FHL1: variants seen among roughly 807,000 people sequenced by gnomAD.
FHL1 encodes four and a half LIM domains protein 1.
Under a neutral mutation model 20.3 loss-of-function variants are expected in FHL1, and 1 was observed. The observed-to-expected ratio is 0.05, with a 90% CI of 0.02 to 0.23. FHL1 has a LOEUF of 0.23. FHL1 is among the 10% of genes least tolerant of loss of function. The probability of loss-of-function intolerance (pLI) is 1.00; values close to 1 mark genes in which losing one functional copy is unlikely to be tolerated. For missense variants in FHL1, 177 were observed against 234.0 expected (o/e 0.76, Z 1.59); for synonymous variants, 82 against 88.9 (o/e 0.92, Z 0.44).
chrX:136,199,253 TTAA>T (rs1439393577), intron 1 of FHL1, among the ~76,000 whole-genome samples: 3 of 111,716 alleles, frequency 2.7e-5, no homozygotes, highest in Non-Finnish European at 5.6e-5. Flanking sequence ...AATTTTTCTT[TTAA>T]TAATCTATAT....
intron 2 of FHL1, among the ~76,000 whole-genome samples, chrX:136,185,033 T>C (rs1433810334): frequency 8.9e-6 from 1 of 112,092 alleles, no homozygotes; most frequent in Non-Finnish European, 1.9e-5. Flanking sequence ...CACAATAAAG[T>C]CAAAAACATT....
In FHL1 at chrX:136,180,989, C is replaced by T. The variant is rs758829596; in HGVS notation, c.-27+11009C>T. ...ACTCCTGACTTGAGGTGACCCCACC[C>T]GCCTTGGTCCCCCAAAGTGCTGGGA... On this transcript the variant is annotated intron_variant, in intron 2 of 6. Coordinates refer to the FHL1 transcript ENST00000394153. Among the ~76,000 whole-genome samples the T allele has an allele frequency of 7.1e-5, 8 of 112,523 alleles. No individual in the cohort carries two copies. The South Asian group carries it at 1.5e-3, about 21-fold the overall frequency.
chrX:136,207,728 G>A (rs1050403265), intron 3 of FHL1, 64 bp from the exon 4 acceptor site: 2 of 1,169,447 alleles, frequency 1.7e-6, no homozygotes, highest in Non-Finnish European at 2.3e-6. Context: ...GGGGAGGGGA[G>A]CTGAGTGGAT....
intron 2 of FHL1, among the ~76,000 whole-genome samples, chrX:136,186,462 C>T (rs1365013771): frequency 9.0e-6 from 1 of 111,512 alleles, no homozygotes; most frequent in East Asian, 2.8e-4. Flanking sequence ...AATCAAAACT[C>T]CCATTCCTTT....
chrX:136,203,531 G>A (rs1305427765), intron 1 of FHL1, among the ~76,000 whole-genome samples: 1 of 111,952 alleles, frequency 8.9e-6, no homozygotes, highest in Non-Finnish European at 1.9e-5. Flanking sequence ...TGATACAGTG[G>A]CCAGTGACTT....
At chrX:136,170,120 C>A in intron 2 of FHL1, 1 of 270,463 alleles carries the variant, frequency 3.7e-6, no homozygotes, top group Non-Finnish European at 7.0e-6. Context: ...CAACCAATGT[C>A]ACTGCTTACC....
At position 136,206,154 on chromosome X, in the gene FHL1, G is replaced by C. The variant is rs1325223082; in HGVS notation, c.23-253G>C. The C allele has an allele frequency of 1.8e-5, 8 of 442,474 alleles. No individual in the cohort carries two copies. The East Asian group carries it at 3.0e-4, about 17-fold the overall frequency. The allele number at this position is 442,474 out of a possible 1,213,427, so 36.5% of individuals were successfully genotyped here. A position where few individuals can be genotyped will look rare whatever the true frequency, so the allele number is the denominator to read the frequency against. On this transcript the variant is annotated intron_variant, in intron 1 of 5. Transcript: ENST00000370683. ...GCACAGTTGATATATCTGAGCAGGG[G>C]CTTCTACCATCTCCCCAGGGAATCA...
chrX:136,181,325 C>G (rs906706208), intron 2 of FHL1, among the ~76,000 whole-genome samples: 1 of 111,310 alleles, frequency 9.0e-6, no homozygotes, highest in African/African-American at 3.3e-5. Flanking sequence ...AGACGAGTAT[C>G]TGCTTTAAAC....
intron 1 of FHL1, among the ~76,000 whole-genome samples, chrX:136,162,421 C>T (rs372097716): frequency 9.0e-6 from 1 of 111,438 alleles, no homozygotes; most frequent in Admixed American, 9.5e-5. Context: ...TTCTGGAAAA[C>T]GGAAGCTTGA....
chrX:136,197,389 T>C (rs1341780663), intron 1 of FHL1, among the ~76,000 whole-genome samples: 1 of 112,295 alleles, frequency 8.9e-6, no homozygotes, highest in East Asian at 2.8e-4. Context: ...TATTTTTACC[T>C]TTTTCAGGAC....
At chrX:136,153,285 G>GA (rs1556631266) in intron 1 of FHL1, among the ~76,000 whole-genome samples, 1 of 16,678 alleles carries the variant, frequency 6.0e-5, no homozygotes, top group African/African-American at 1.3e-4. Flanking sequence ...TGCGGGAGGT[G>GA]GGGGGGGGCA....
At chrX:136,163,133 A>T (rs747947398) in intron 1 of FHL1, among the ~76,000 whole-genome samples, 1 of 111,863 alleles carries the variant, frequency 8.9e-6, no homozygotes, top group South Asian at 3.7e-4. Flanking sequence ...TAGAGGCCCC[A>T]CCTCTCAATA....
chrX:136,158,611 G>A (rs1187074639), intron 1 of FHL1, among the ~76,000 whole-genome samples: 3 of 111,079 alleles, frequency 2.7e-5, no homozygotes. Context: ...GTGTCAGATA[G>A]CATCTTGGAG....
chrX:136,168,326 G>T (rs754926397), upstream of FHL1: 6 of 111,880 alleles, frequency 5.4e-5, no homozygotes, highest in African/African-American at 6.5e-5. Context: ...GGTGGGAGAT[G>T]AGATGGAGTA....
intron 2 of FHL1, among the ~76,000 whole-genome samples, chrX:136,185,760 A>G (rs2073271511): frequency 8.9e-6 from 1 of 112,353 alleles, no homozygotes; most frequent in African/African-American, 3.2e-5. Context: ...GTTAATTTAA[A>G]ACTCTGATGC....
intron 2 of FHL1, among the ~76,000 whole-genome samples, chrX:136,175,600 T>C (rs995186425): frequency 8.9e-6 from 1 of 112,851 alleles, no homozygotes. Flanking sequence ...ATTTATTCAA[T>C]AAATAGTTTT....
intron 1 of FHL1, among the ~76,000 whole-genome samples, chrX:136,155,997 C>T (rs1263872168): frequency 9.1e-6 from 1 of 110,031 alleles, no homozygotes; most frequent in Non-Finnish European, 1.9e-5. Flanking sequence ...AGTAAGTGAC[C>T]GGCTCTCCAC....
chrX:136,152,906 A>C (rs1603240629), intron 1 of FHL1, among the ~76,000 whole-genome samples: 1 of 110,147 alleles, frequency 9.1e-6, no homozygotes, highest in Middle Eastern at 4.6e-3. Flanking sequence ...GTCAAACTTC[A>C]TTTTCTATCT....
upstream of FHL1, among the ~76,000 whole-genome samples, chrX:136,196,094 A>G (rs1309266616): frequency 8.9e-6 from 1 of 111,824 alleles, no homozygotes; most frequent in African/African-American, 3.3e-5. Flanking sequence ...ATCAGACAGC[A>G]AGGAGAGAAA....
Sources: allele counts gnomAD v4.1 joint callset (sites outside exome capture counted in the v4.1 genomes callset), GRCh38; gene constraint gnomAD v4.1.1; transcripts MANE v1.5; gene names NCBI Gene and HGNC (gene_info 2026-07-23, HGNC 2026-07-21).